The following HEATR1 variants were observed in gnomAD, a reference collection of about 807,000 sequenced individuals.
The protein encoded by HEATR1 is HEAT repeat containing 1, also known as HEAT repeat-containing protein 1.
HEATR1 carries 77 observed loss-of-function variants against 248.2 expected under a neutral mutation model. That is an observed-to-expected ratio of 0.31 (90% CI 0.26 to 0.37). HEATR1 has a LOEUF of 0.37. HEATR1 is among the 10% of genes least tolerant of loss of function. The pLI is 1.00. For missense variants in HEATR1, 2,420 were observed against 2,504.9 expected (o/e 0.97, Z 0.72); for synonymous variants, 897 against 923.1 (o/e 0.97, Z 0.51).
At chr1:236,591,927 G>A (rs1302399246) in intron 11 of HEATR1, 66 bp downstream of exon 11, 1 of 915,114 alleles carries the variant, frequency 1.1e-6, no homozygotes, top group Non-Finnish European at 1.7e-6. Flanking sequence ...ATTTCCTTCT[G>A]GAGCTCTTCA....
In HEATR1 at chr1:236,570,146, G is replaced by A. The variant is rs571468473; in HGVS notation, c.3949-1022C>T. On this transcript the variant is annotated intron_variant, in intron 28 of 44. Coordinates refer to ENST00000366582, the MANE Select transcript of HEATR1 (RefSeq NM_018072.6). ...TACTAAAAATACAAAAAAATTAGCC[G>A]GGCGTGGTGGCGGGTGCCTGTAGTC... is the stretch of plus-strand genomic sequence containing the variant. Among the ~76,000 whole-genome samples the A allele has an allele frequency of 1.1e-3, 169 of 152,212 alleles. 1 individual carries two copies. Among genetic ancestry groups the A allele is most frequent in the Middle Eastern group, 3.4e-3 (1 of 294 alleles).
chr1:236,581,189 C>T (rs373277688), intron 20 of HEATR1, 33 bp downstream of exon 20: 7 of 1,536,708 alleles, frequency 4.6e-6, no homozygotes, highest in East Asian at 2.2e-5. Context: ...AACAGTTGGT[C>T]ATGACAAAAC....
At position 236,556,008 on chromosome 1, in the gene HEATR1, T is replaced by G. The variant is rs1267800012; in HGVS notation, c.5515-69A>C. 1.9e-6 allele frequency: 3 copies of G among 1,606,346 alleles called. No individual in the cohort carries two copies. The African/African-American group carries it at 4.0e-5, about 22-fold the overall frequency. ...CCTAGAGTTCAGCGGTGTGTATTTT[T>G]AAAAACTAAATCTTCTTCTTTAAGT... On this transcript the variant is annotated intron_variant, in intron 38 of 44. Transcript: ENST00000366582.
chr1:236,579,717 G>A (rs769042460), intron 20 of HEATR1, among the ~76,000 whole-genome samples: 16 of 151,990 alleles, frequency 1.1e-4, no homozygotes, highest in East Asian at 7.7e-4. Flanking sequence ...TTTTGTAAGC[G>A]AATAAAAAAT....
At chr1:236,574,090 G>T in intron 24 of HEATR1, 112 bp downstream of exon 24, 4 of 868,562 alleles carry the variant, frequency 4.6e-6, no homozygotes, top group South Asian at 3.8e-5. Context: ...TTTGTTAATG[G>T]TAACATCTGA....
At chr1:236,590,797 T>G in intron 12 of HEATR1, 50 bp downstream of exon 12, 1 of 912,524 alleles carries the variant, frequency 1.1e-6, no homozygotes, top group Non-Finnish European at 1.6e-6. Context: ...AGAATTACAC[T>G]GCTCATCATA....
In HEATR1 at chr1:236,553,599, C is replaced by G; in HGVS notation, c.6219G>C (p.Thr2073=). The G allele has an allele frequency of 6.2e-7, 1 of 1,613,658 alleles. No individual in the cohort carries two copies. The highest frequency in any genetic ancestry group is 1.3e-5 in the African/African-American group (1 of 75,026). ...TCCTAACCTTAGGCGAGGAGTCTCT[C>G]GTCTTTAGCAGAATCTGGTAGTTCA... is the stretch of plus-strand genomic sequence containing the variant. ...KPLNYQILLK[T]RDSSPKVRFA... is the part of the protein sequence containing the mutation. Residue 2073 remains threonine, a synonymous_variant, in exon 43 of 45, where the codon ACG becomes ACC. Coordinates refer to ENST00000366582, the MANE Select transcript of HEATR1 (RefSeq NM_018072.6).
rs895290311 is a variant in HEATR1, at chr1:236,595,961, A to G, written c.828T>C (p.Asn276=). 7.4e-6 allele frequency: 12 copies of G among 1,613,702 alleles called. No homozygotes were observed. Among genetic ancestry groups the G allele is most frequent in the Admixed American group, 3.3e-5 (2 of 59,998 alleles). Residue 276 remains asparagine (N), a synonymous_variant, in exon 7 of 45, where the codon AAT becomes AAC. Coordinates refer to ENST00000366582, the MANE Select transcript of HEATR1 (RefSeq NM_018072.6). ...GTGATGCCAATGAATTCACAAAGGTATTTTCCATGGTCACTTTCACAGAAA... is the reference window on the plus strand; with the variant it reads ...GTGATGCCAATGAATTCACAAAGGTGTTTTCCATGGTCACTTTCACAGAAA... The part of the protein sequence containing the change: ...CQISVKVTME[N]TFVNSLASQI...
chr1:236,587,477 T>C lies in HEATR1; in HGVS notation c.1640A>G (p.His547Arg), dbSNP rs1431845727. 1.3e-6 allele frequency: 2 copies of C among 1,511,682 alleles called. No homozygotes were observed. Among genetic ancestry groups the C allele is most frequent in the African/African-American group, 1.4e-5 (1 of 71,594 alleles). The allele number at this position is 1,511,682 out of a possible 1,614,324, so 93.6% of individuals were successfully genotyped here. A position where few individuals can be genotyped will look rare whatever the true frequency, so the allele number is the denominator to read the frequency against. ...AISAFEIFKE[H>R]FSSEVTISNL... ...TGAAATCGTCACTTCTGAACTGAAGTGTTCTTTGAAAATCTAAAGGGAAAA... is the reference window on the plus strand; with the variant it reads ...TGAAATCGTCACTTCTGAACTGAAGCGTTCTTTGAAAATCTAAAGGGAAAA... Residue 547 changes from histidine (H) to arginine (R), a missense_variant, in exon 14 of 45, where the codon CAC (histidine) becomes CGC (arginine). His to Arg is a conservative substitution (Grantham distance 29). Coordinates refer to ENST00000366582, the MANE Select transcript of HEATR1 (RefSeq NM_018072.6).
At position 236,576,873 on chromosome 1, in the gene HEATR1, G is replaced by A. The variant is rs550109705; in HGVS notation, c.2832C>T (p.Ala944=). 6.2e-7 allele frequency: 1 copy of A among 1,613,846 alleles called. No individual in the cohort carries two copies. The highest frequency in any genetic ancestry group is 8.5e-7 in the Non-Finnish European group (1 of 1,179,840). ...VRRAAIQCLQ[A]LSGVASPFYL... The stretch of plus-strand genomic sequence containing the variant: ...AAAACGGGGATGCCACTCCACTGAG[G>A]GCCTGGAGACACTGAATGGCAGCCC... The change falls in exon 21 of 45, where the codon GCC becomes GCT. Residue 944 remains alanine, a synonymous_variant. Coordinates refer to ENST00000366582, the MANE Select transcript of HEATR1 (RefSeq NM_018072.6).
chr1:236,586,494 A>T, intron 14 of HEATR1, 42 bp from the exon 15 acceptor site: 1 of 1,451,198 alleles, frequency 6.9e-7, no homozygotes. Flanking sequence ...GACACATTGG[A>T]AGGCTTCAAT....
chr1:236,570,232 T>A (rs1467003943), intron 28 of HEATR1, among the ~76,000 whole-genome samples: 1 of 152,142 alleles, frequency 6.6e-6, no homozygotes, highest in Non-Finnish European at 1.5e-5. Flanking sequence ...GAGCTTGCAG[T>A]GAGCTGAGAT....
chr1:236,568,928 A>G, intron 29 of HEATR1, 68 bp downstream of exon 29: 1 of 1,120,302 alleles, frequency 8.9e-7, no homozygotes, highest in Non-Finnish European at 1.2e-6. Context: ...AAAGGCTTTT[A>G]ATGTCATTTA....
chr1:236,554,047 G>A (rs916788365), intron 42 of HEATR1, among the ~76,000 whole-genome samples: 1 of 152,076 alleles, frequency 6.6e-6, no homozygotes, highest in Admixed American at 6.6e-5. Flanking sequence ...CATTAACCAT[G>A]ACAGCTTATA....
At chr1:236,593,584 G>A (rs9943052) in intron 9 of HEATR1, among the ~76,000 whole-genome samples, 598 of 90,644 alleles carry the variant, frequency 6.6e-3, no homozygotes, top group African/African-American at 9.2e-3. Flanking sequence ...CCCATTAAGA[G>A]AAAAAAAAAA....
At chr1:236,575,512 T>C (rs1425121376) in intron 22 of HEATR1, among the ~76,000 whole-genome samples, 1 of 152,202 alleles carries the variant, frequency 6.6e-6, no homozygotes, top group Admixed American at 6.5e-5. Context: ...TCTGGTCCTT[T>C]ACCCAAGAAA....
In HEATR1 at chr1:236,581,480, T is replaced by G. The variant is rs1663738216; in HGVS notation, c.2563-66A>C. On this transcript the variant is annotated intron_variant, in intron 19 of 44. Coordinates refer to ENST00000366582, the MANE Select transcript of HEATR1 (RefSeq NM_018072.6). Reference sequence around the variant, plus strand: ...CAAATAAGCTGGTTCCAAATCCTCTTCTCACTAGTGTACAATTATAAAGAA... The same window carrying G: ...CAAATAAGCTGGTTCCAAATCCTCTGCTCACTAGTGTACAATTATAAAGAA... 4.4e-6 allele frequency: 5 copies of G among 1,136,952 alleles called. No individual in the cohort carries two copies. In the South Asian group the frequency reaches 8.2e-5, roughly 19 times the overall value. The allele number at this position is 1,136,952 out of a possible 1,614,324, so 70.4% of individuals were successfully genotyped here. A position where few individuals can be genotyped will look rare whatever the true frequency, so the allele number is the denominator to read the frequency against.
intron 29 of HEATR1, among the ~76,000 whole-genome samples, chr1:236,567,146 C>T (rs1302159089): frequency 1.3e-5 from 2 of 152,042 alleles, no homozygotes; most frequent in Non-Finnish European, 2.9e-5. Context: ...CCCACCACCA[C>T]TTTTTAAAAA....
chr1:236,574,917 G>C lies in HEATR1; in HGVS notation c.3085-14C>G, dbSNP rs149659028. 15,125 of 1,609,620 alleles carry C rather than the reference G, an allele frequency of 9.4e-3. 103 individuals are homozygous for C. Among genetic ancestry groups the C allele is most frequent in the Middle Eastern group, 0.024 (142 of 6,038 alleles). On this transcript the variant is annotated splice_polypyrimidine_tract_variant and intron_variant, in intron 22 of 44. Transcript: ENST00000366582. ...AGAAAGCACCATCTAAAGATCCAAAGACTTAGTAGTAAATAGTTATGTATA... is the reference window on the plus strand; with the variant it reads ...AGAAAGCACCATCTAAAGATCCAAACACTTAGTAGTAAATAGTTATGTATA...
Sources: gnomAD v4.1 joint callset for allele counts (sites outside exome capture counted in the v4.1 genomes callset) on GRCh38, gnomAD v4.1.1 for gene constraint, MANE v1.5 for transcripts, NCBI Gene and HGNC (gene_info 2026-07-23, HGNC 2026-07-21) for gene names.